IARS1: variants seen among roughly 807,000 people sequenced by gnomAD.
IARS1 encodes isoleucyl-tRNA synthetase 1.
A neutral mutation model predicts 168.2 loss-of-function variants in IARS1; 124 were observed. The ratio of observed to expected loss-of-function variants is 0.74; its 90% confidence interval spans 0.64 to 0.86. The LOEUF is 0.86. Ranked by LOEUF, IARS1 falls within the 40% of genes least tolerant of loss-of-function variation. IARS1 has a pLI of 0.00. For missense variants in IARS1, 1,452 were observed against 1,515.8 expected (o/e 0.96, Z 0.70); for synonymous variants, 532 against 529.4 (o/e 1.00, Z -0.07).
intron 31 of IARS1, among the ~76,000 whole-genome samples, chr9:92,227,106 G>GCAC (rs1283266550): frequency 6.6e-5 from 9 of 137,090 alleles, no homozygotes; most frequent in Non-Finnish European, 1.2e-4. Context: ...ATGTTTCAGA[G>GCAC]AGCACAGGGT....
intron 33 of IARS1, among the ~76,000 whole-genome samples, chr9:92,219,043 A>G (rs1172184957): frequency 6.6e-6 from 1 of 152,196 alleles, no homozygotes; most frequent in Non-Finnish European, 1.5e-5. Context: ...TACAGTAACC[A>G]AAACAGCATG....
In IARS1 at chr9:92,274,524, G is replaced by A; in HGVS notation, c.895-3C>T. 6.2e-7 allele frequency: 1 copy of A among 1,606,322 alleles called. No homozygotes were observed. Among genetic ancestry groups the A allele is most frequent in the African/African-American group, 1.3e-5 (1 of 74,854 alleles). ...GTGAAAGCGCCATTCTCTTTACACTGGAAAGAAAGGACAGCAGGCTTCAGG... is the reference window on the plus strand; with the variant it reads ...GTGAAAGCGCCATTCTCTTTACACTAGAAAGAAAGGACAGCAGGCTTCAGG... On this transcript the variant is annotated splice_polypyrimidine_tract_variant and splice_region_variant and intron_variant, in intron 9 of 33. Coordinates refer to ENST00000443024, the MANE Select transcript of IARS1 (RefSeq NM_002161.6).
At chr9:92,273,539 A>G (rs1195680309) in intron 10 of IARS1, among the ~76,000 whole-genome samples, 2 of 152,218 alleles carry the variant, frequency 1.3e-5, no homozygotes, top group Non-Finnish European at 2.9e-5. Flanking sequence ...CAGCTGGATG[A>G]TGTGAAAAAA....
intron 16 of IARS1, among the ~76,000 whole-genome samples, chr9:92,264,438 C>A (rs1014309715): frequency 1.3e-5 from 2 of 152,026 alleles, no homozygotes; most frequent in African/African-American, 4.8e-5. Flanking sequence ...TTACATAAGG[C>A]ACCAGATAAA....
At chr9:92,267,756 T>C (rs1204537136) in intron 14 of IARS1, among the ~76,000 whole-genome samples, 2 of 152,212 alleles carry the variant, frequency 1.3e-5, no homozygotes, top group African/African-American at 4.8e-5. Flanking sequence ...ATTCATTTGA[T>C]TTTAGAAGTT....
intron 14 of IARS1, among the ~76,000 whole-genome samples, chr9:92,266,788 C>A (rs185902210): frequency 6.6e-6 from 1 of 152,350 alleles, no homozygotes; most frequent in East Asian, 1.9e-4. Context: ...CCTGTCCAGC[C>A]TTCCATCATA....
chr9:92,273,855 C>A (rs1224832194), intron 10 of IARS1, among the ~76,000 whole-genome samples: 1 of 152,196 alleles, frequency 6.6e-6, no homozygotes, highest in Admixed American at 6.5e-5. Flanking sequence ...CATGCTACAC[C>A]ATGCTACAGA....
At chr9:92,286,498 A>G (rs767727683) in intron 5 of IARS1, 38 bp downstream of exon 5, 2 of 1,098,970 alleles carry the variant, frequency 1.8e-6, no homozygotes, top group South Asian at 1.3e-5. Flanking sequence ...ACAACAGAAT[A>G]GAATATTTAC....
intron 1 of IARS1, among the ~76,000 whole-genome samples, chr9:92,290,067 T>G (rs564200276): frequency 6.6e-6 from 1 of 152,166 alleles, no homozygotes; most frequent in Admixed American, 6.5e-5. Flanking sequence ...CTCTTGGGTT[T>G]GTAGCTAGAA....
chr9:92,245,694 T>C (rs895639), intron 26 of IARS1, among the ~76,000 whole-genome samples: 17,056 of 152,130 alleles, frequency 0.11, 1,090 homozygotes, highest in South Asian at 0.22. Flanking sequence ...CTGAAGATGA[T>C]CTTGTTTTCC....
chr9:92,278,058 A>G (rs1834012950), intron 8 of IARS1, 135 bp from the exon 9 acceptor site: 1 of 1,030,336 alleles, frequency 9.7e-7, no homozygotes, highest in African/African-American at 1.6e-5. Context: ...GTGACTGCAA[A>G]GTACTTAGTA....
chr9:92,285,607 A>C, intron 6 of IARS1, 115 bp downstream of exon 6: 5 of 651,982 alleles, frequency 7.7e-6, no homozygotes, highest in Non-Finnish European at 1.4e-5. Context: ...AAAGTGGTGG[A>C]TGTCGTGGGC....
chr9:92,239,805 GAA>G (rs1454166124), intron 30 of IARS1, among the ~76,000 whole-genome samples: 3 of 152,152 alleles, frequency 2.0e-5, no homozygotes, highest in African/African-American at 7.2e-5. Flanking sequence ...TGGCAAGGGT[GAA>G]GTCCAGGCTC....
intron 10 of IARS1, among the ~76,000 whole-genome samples, chr9:92,271,889 T>C (rs1191841029): frequency 6.6e-6 from 1 of 152,240 alleles, no homozygotes; most frequent in Non-Finnish European, 1.5e-5. Flanking sequence ...CCTCCATATG[T>C]AGCAGAGTAT....
intron 14 of IARS1, 145 bp downstream of exon 14, chr9:92,268,029 G>C (rs1024814838): frequency 1.2e-6 from 1 of 847,630 alleles, no homozygotes; most frequent in African/African-American, 1.8e-5. Context: ...CTTATGTCAT[G>C]ATTCTAGAAA....
At chr9:92,255,046 C>CA (rs1830530424) in intron 20 of IARS1, among the ~76,000 whole-genome samples, 1 of 152,170 alleles carries the variant, frequency 6.6e-6, no homozygotes, top group South Asian at 2.1e-4. Flanking sequence ...GAAAAGCAGA[C>CA]ACAGGTGTGA....
At chr9:92,214,901 G>C (rs1034205255) in intron 33 of IARS1, among the ~76,000 whole-genome samples, 2 of 152,226 alleles carry the variant, frequency 1.3e-5, no homozygotes, top group Admixed American at 6.5e-5. Context: ...CGGGAAGCTC[G>C]AATTGGGTGG....
At position 92,284,569 on chromosome 9, in the gene IARS1, A is replaced by G. The variant is rs558161400; in HGVS notation, c.597+1153T>C. Among the ~76,000 whole-genome samples, 10 of 152,236 alleles carry G rather than the reference A, an allele frequency of 6.6e-5. No individual in the cohort carries two copies. In the South Asian group the frequency reaches 2.1e-3, roughly 32 times the overall value. On this transcript the variant is annotated intron_variant, in intron 6 of 33. Transcript: ENST00000443024. Reference sequence around the variant, plus strand: ...TGGGAGGCCAAGGTGGGTGGATCGCAAGGTCAGGAGTTCAAGACCAGCCTG... The same window carrying G: ...TGGGAGGCCAAGGTGGGTGGATCGCGAGGTCAGGAGTTCAAGACCAGCCTG...
In IARS1 at chr9:92,212,341, A is replaced by G. The variant is rs566814866; in HGVS notation, c.3707-1452T>C. Reference sequence around the variant, plus strand: ...AGATTGGAAAGATACTGAATTAGAAAAAGTTCCAACTTTGTGGTAATCTTA... The same window carrying G: ...AGATTGGAAAGATACTGAATTAGAAGAAGTTCCAACTTTGTGGTAATCTTA... On this transcript the variant is annotated intron_variant, in intron 33 of 33. Transcript: ENST00000443024. Among the ~76,000 whole-genome samples, 3 of 152,372 alleles carry G rather than the reference A, an allele frequency of 2.0e-5. No individual in the cohort carries two copies. The East Asian group carries it at 5.8e-4, about 29-fold the overall frequency.
Sources: allele counts gnomAD v4.1 joint callset (sites outside exome capture counted in the v4.1 genomes callset), GRCh38; gene constraint gnomAD v4.1.1; transcripts MANE v1.5; gene names NCBI Gene and HGNC (gene_info 2026-07-23, HGNC 2026-07-21).